Variants in NRDE2 observed in about 807,000 individuals in gnomAD.
The protein encoded by NRDE2 is nuclear exosome regulator NRDE2.
A neutral mutation model predicts 124.2 loss-of-function variants in NRDE2; 76 were observed. The observed-to-expected ratio is 0.61, with a 90% CI of 0.51 to 0.74. The LOEUF (loss-of-function observed/expected upper bound fraction) is 0.74. NRDE2 is among the 30% of genes least tolerant of loss of function. The pLI is 0.00. For synonymous variants in NRDE2, 489 were observed against 528.1 expected, an observed-to-expected ratio of 0.93 and a Z score of 1.01; for missense variants, 1,314 against 1,417.3, an observed-to-expected ratio of 0.93 and a Z score of 1.17.
chr14:90,315,957 C>CAAA (rs59604203), intron 3 of NRDE2, among the ~76,000 whole-genome samples: 292 of 73,892 alleles, frequency 4.0e-3, no homozygotes, highest in Middle Eastern at 0.017. Flanking sequence ...AACCCCGTCT[C>CAAA]AAAAAAAAAA....
chr14:90,323,639 C>T (rs73318693), intron 1 of NRDE2, among the ~76,000 whole-genome samples: 5,099 of 152,250 alleles, frequency 0.033, 260 homozygotes, highest in African/African-American at 0.12. Flanking sequence ...GCAAACATGG[C>T]TGAGAACTGC....
chr14:90,309,162 C>A (rs897158240), intron 4 of NRDE2, among the ~76,000 whole-genome samples: 5 of 151,260 alleles, frequency 3.3e-5, no homozygotes, highest in African/African-American at 1.2e-4. Flanking sequence ...CGCATTGGCC[C>A]AAGAGAAAAA....
rs781458199 is a variant in NRDE2, at chr14:90,279,138, G to C, written c.3298-5C>G. The C allele has an allele frequency of 8.1e-6, 13 of 1,605,760 alleles. No individual in the cohort carries two copies. Among genetic ancestry groups the C allele is most frequent in the Non-Finnish European group, 1.1e-5 (13 of 1,172,294 alleles). On this transcript the variant is annotated splice_region_variant and splice_polypyrimidine_tract_variant and intron_variant, in intron 12 of 13. Transcript: ENST00000354366. ...TTCTTTATTTCCTAAGGAAACCTGA[G>C]GTGAGGGGGAGAAAATACAAACATG...
Position 90,269,302 on chromosome 14 carries a change from T to C in NRDE2, c.*9034A>G. 1 of 1,093,498 alleles carries C rather than the reference T, an allele frequency of 9.1e-7. No individual in the cohort carries two copies. Among genetic ancestry groups the C allele is most frequent in the Non-Finnish European group, 1.3e-6 (1 of 767,138 alleles). 67.7% of individuals were successfully genotyped at this position (1,093,498 alleles called of 1,614,324 possible). On this transcript the variant is annotated 3_prime_UTR_variant, in exon 14 of 14. Transcript: ENST00000354366. Reference sequence around the variant, plus strand: ...ATGTGAGTTGAAACAGGAATGTTTGTTAAGGTGTTTTGTCACAATGAGGTC... The same window carrying C: ...ATGTGAGTTGAAACAGGAATGTTTGCTAAGGTGTTTTGTCACAATGAGGTC...
At chr14:90,297,713 C>G (rs1000256159) in intron 8 of NRDE2, among the ~76,000 whole-genome samples, 1 of 152,030 alleles carries the variant, frequency 6.6e-6, no homozygotes, top group Non-Finnish European at 1.5e-5. Flanking sequence ...GCAGGCAGAT[C>G]GCTGGAGGTC....
intron 10 of NRDE2, among the ~76,000 whole-genome samples, 183 bp downstream of exon 10, chr14:90,290,038 C>T (rs1892228082): frequency 6.6e-6 from 1 of 152,176 alleles, no homozygotes; most frequent in Admixed American, 6.5e-5. Context: ...TCGTTCCTGC[C>T]TTACTCCTCT....
In NRDE2 at chr14:90,276,514, T is replaced by A. The variant is rs1015155819; in HGVS notation, c.*1822A>T. 6.6e-6 allele frequency: 1 copy of A among 152,240 alleles called. No individual in the cohort carries two copies. The highest frequency in any genetic ancestry group is 2.1e-4 in the South Asian group (1 of 4,836). The allele number at this position is 152,240 out of a possible 1,614,324, so 9.4% of individuals were successfully genotyped here. A position where few individuals can be genotyped will look rare whatever the true frequency, so the allele number is the denominator to read the frequency against. ...GATTACAGACGTGAGCCACCGCGCC[T>A]GGCCTCAAATGGGCTTTTAAATAAC... On this transcript the variant is annotated 3_prime_UTR_variant, in exon 14 of 14. Coordinates refer to ENST00000354366, the MANE Select transcript of NRDE2 (RefSeq NM_017970.4).
At chr14:90,327,740 G>A (rs1054693769) in intron 1 of NRDE2, among the ~76,000 whole-genome samples, 4 of 152,200 alleles carry the variant, frequency 2.6e-5, no homozygotes, top group Non-Finnish European at 4.4e-5. Flanking sequence ...GCTAGGCGAG[G>A]TGGCTCACGC....
chr14:90,310,159 G>A (rs1318821542), intron 4 of NRDE2, among the ~76,000 whole-genome samples: 1 of 152,172 alleles, frequency 6.6e-6, no homozygotes, highest in Middle Eastern at 3.2e-3. Context: ...TGATTTGCCT[G>A]GGACTTTATT....
chr14:90,288,370 C>T lies in NRDE2; in HGVS notation c.3005G>A (p.Arg1002Lys). The T allele has an allele frequency of 2.5e-6, 4 of 1,614,172 alleles. No homozygotes were observed. Among genetic ancestry groups the T allele is most frequent in the Non-Finnish European group, 3.4e-6 (4 of 1,180,034 alleles). Residue 1002 changes from arginine to lysine, a missense_variant, in exon 11 of 14, where the codon AGG (arginine) becomes AAG (lysine). Physicochemically the swap from Arg to Lys is conservative, Grantham distance 26. Transcript: ENST00000354366. Reference protein sequence around the residue: ...KLYPGNQVLWRSYVQIQNKSH... With the variant: ...KLYPGNQVLWKSYVQIQNKSH... ...CTTATTCTGAATCTGTACATAGGAC[C>T]TCCAAAGAACCTGGTTGCCTGGATA...
At chr14:90,288,118 G>T in intron 11 of NRDE2, 99 bp downstream of exon 11, 5 of 1,129,822 alleles carry the variant, frequency 4.4e-6, no homozygotes, top group Non-Finnish European at 6.4e-6. Flanking sequence ...ACCGTGCCAT[G>T]TTCATCCCTG....
At chr14:90,330,791 G>C (rs1260180020) in intron 1 of NRDE2, among the ~76,000 whole-genome samples, 1 of 130,612 alleles carries the variant, frequency 7.7e-6, no homozygotes, top group African/African-American at 2.9e-5. Context: ...CTGGGCAACA[G>C]AGTGAGACCC....
intron 4 of NRDE2, among the ~76,000 whole-genome samples, chr14:90,306,331 C>A (rs1884600995): frequency 6.6e-6 from 1 of 152,316 alleles, no homozygotes; most frequent in Non-Finnish European, 1.5e-5. Flanking sequence ...TGCCTCTGCC[C>A]TCCTCACTGA....
In NRDE2 at chr14:90,290,620, CAAAAT is replaced by C; in HGVS notation, c.1843-18_1843-14del. Reference sequence around the variant, plus strand: ...CATCAAACAACACCTGCAACAAAGACAAAATAAAGCGACCCATGTAACAAAACAAA... The same window carrying C: ...CATCAAACAACACCTGCAACAAAGACAAAGCGACCCATGTAACAAAACAAA... On this transcript the variant is annotated splice_polypyrimidine_tract_variant and intron_variant, in intron 9 of 13. Transcript: ENST00000354366. 1 of 1,542,628 alleles carries C rather than the reference CAAAAT, an allele frequency of 6.5e-7. No individual in the cohort carries two copies. Among genetic ancestry groups the C allele is most frequent in the Non-Finnish European group, 8.8e-7 (1 of 1,141,088 alleles).
rs1891582850 is a variant in NRDE2 at position 90,268,722 on chromosome 14, T to C, written c.*9614A>G. The stretch of plus-strand genomic sequence containing the variant: ...CTGCCCTGGAGGAGCTCACAGGTTG[T>C]AGGGATCAGATACCAAACATGGAAA... On this transcript the variant is annotated 3_prime_UTR_variant, in exon 14 of 14. Coordinates refer to ENST00000354366, the MANE Select transcript of NRDE2 (RefSeq NM_017970.4). The C allele has an allele frequency of 3.7e-6, 1 of 271,624 alleles. No homozygotes were observed. Among genetic ancestry groups the C allele is most frequent in the Non-Finnish European group, 6.9e-6 (1 of 145,834 alleles). The allele number at this position is 271,624 out of a possible 1,614,324, so 16.8% of individuals were successfully genotyped here.
chr14:90,312,682 A>G (rs756140458), intron 3 of NRDE2, 139 bp from the exon 4 acceptor site: 3 of 776,454 alleles, frequency 3.9e-6, no homozygotes, highest in Non-Finnish European at 4.2e-6. Flanking sequence ...CATTAAATGT[A>G]CATGTGCCAC....
Position 90,288,526 on chromosome 14 carries a change from C to G in NRDE2, c.2849G>C (p.Ser950Thr). 6.2e-7 allele frequency: 1 copy of G among 1,614,208 alleles called. No individual in the cohort carries two copies. The highest frequency in any genetic ancestry group is 1.3e-5 in the African/African-American group (1 of 75,074). Residue 950 changes from serine (S) to threonine (T), a missense_variant, in exon 11 of 14, where the codon AGC (serine) becomes ACC (threonine). Physicochemically the swap from Ser to Thr is moderately conservative, Grantham distance 58. Coordinates refer to ENST00000354366, the MANE Select transcript of NRDE2 (RefSeq NM_017970.4). ...GAGAACACTGGTCCAACTCTGGGAG[C>G]TGGCACTGTCCCCCTCGCCAGAGCC... is the stretch of plus-strand genomic sequence containing the variant. ...PEGSGEGDSASSQSWTSVLEA... is the reference protein window; with the variant it reads ...PEGSGEGDSATSQSWTSVLEA...
chr14:90,279,156 C>A, intron 12 of NRDE2, 23 bp from the exon 13 acceptor site: 2 of 1,565,242 alleles, frequency 1.3e-6, no homozygotes, highest in Non-Finnish European at 1.8e-6. Context: ...GGAGAAAATA[C>A]AAACATGATT....
chr14:90,316,801 T>C lies in NRDE2; in HGVS notation c.184A>G (p.Lys62Glu). 6.2e-7 allele frequency: 1 copy of C among 1,602,644 alleles called. No individual in the cohort carries two copies. The highest frequency in any genetic ancestry group is 8.5e-7 in the Non-Finnish European group (1 of 1,175,534). Residue 62 changes from lysine (K) to glutamate (E), a missense_variant, in exon 3 of 14, where the codon AAA (lysine) becomes GAA (glutamate). Transcript: ENST00000354366. ...TCACTTTCATCTGAAGACTCTGATT[T>C]CAGATGACTCCTGTTTGGGAAAATC... is the stretch of plus-strand genomic sequence containing the variant. ...EGLPLTRSHL[K>E]SESSDESDTN...
Sources: allele counts gnomAD v4.1 joint callset (sites outside exome capture counted in the v4.1 genomes callset), GRCh38; gene constraint gnomAD v4.1.1; transcripts MANE v1.5; gene names NCBI Gene and HGNC (gene_info 2026-07-23, HGNC 2026-07-21).